SDK1: variants seen among roughly 807,000 people sequenced by gnomAD.
SDK1 encodes sidekick cell adhesion molecule 1, also known as protein sidekick-1.
In SDK1, 157 loss-of-function variants were observed where a neutral mutation model predicts 245.5. The observed-to-expected ratio is 0.64, with a 90% CI of 0.56 to 0.73. SDK1 has a LOEUF of 0.73. Among genes scored for constraint, SDK1 ranks in the 30% least tolerant of loss-of-function variants. The pLI is 0.00. For missense variants in SDK1, 3,583 were observed against 3,002.3 expected, an observed-to-expected ratio of 1.19 and a Z score of -4.52; for synonymous variants, 1,647 against 1,278.5, an observed-to-expected ratio of 1.29 and a Z score of -6.15.
At chr7:3,698,787 A>G (rs1407725987) in intron 4 of SDK1, among the ~76,000 whole-genome samples, 1 of 152,186 alleles carries the variant, frequency 6.6e-6, no homozygotes, top group Non-Finnish European at 1.5e-5. Flanking sequence ...TCTTCTTATA[A>G]GGGAACCAGT....
At position 4,220,328 on chromosome 7, in the gene SDK1, G is replaced by A. The variant is rs1479422551; in HGVS notation, c.5701+58G>A. The A allele has an allele frequency of 2.6e-6, 4 of 1,538,884 alleles. No individual in the cohort carries two copies. The African/African-American group carries it at 4.1e-5, about 16-fold the overall frequency. ...TTGCAACTTTAGCCTCCCGCCTCCTGCTTCACTGAGCTGAGATCCATCTAC... is the reference window on the plus strand; with the variant it reads ...TTGCAACTTTAGCCTCCCGCCTCCTACTTCACTGAGCTGAGATCCATCTAC... On this transcript the variant is annotated intron_variant, in intron 39 of 44. Coordinates refer to ENST00000404826, the MANE Select transcript of SDK1 (RefSeq NM_152744.4).
chr7:3,738,058 C>T (rs1334963290), intron 4 of SDK1, among the ~76,000 whole-genome samples: 1 of 152,204 alleles, frequency 6.6e-6, no homozygotes. Context: ...AGCTGGGGAC[C>T]TCCTCTTCTG....
In SDK1 at chr7:3,689,785, C is replaced by T. The variant is rs572172626; in HGVS notation, c.713+47680C>T. Among the ~76,000 whole-genome samples the T allele has an allele frequency of 6.6e-5, 10 of 152,282 alleles. No individual in the cohort carries two copies. The South Asian group carries it at 1.7e-3, about 25-fold the overall frequency. ...ATTGGAAGTTATTATTTTTATTTCC[C>T]AATGAATCCATTCATAATTCTAAAT... is the stretch of plus-strand genomic sequence containing the variant. On this transcript the variant is annotated intron_variant, in intron 4 of 44. Coordinates refer to ENST00000404826, the MANE Select transcript of SDK1 (RefSeq NM_152744.4).
intron 1 of SDK1, among the ~76,000 whole-genome samples, chr7:3,589,623 T>C (rs1264198925): frequency 1.3e-5 from 2 of 151,604 alleles, no homozygotes; most frequent in Non-Finnish European, 2.9e-5. Context: ...AAAGGAGGAG[T>C]ACAGACACGT....
At position 3,424,121 on chromosome 7, in the gene SDK1, A is replaced by G. The variant is rs183520277; in HGVS notation, c.298+122237A>G. Reference sequence around the variant, plus strand: ...GAGATGGGGTTTCACCATGTTTGCCAGGCTGGTCTCAAACTCGTGACCTCA... The same window carrying G: ...GAGATGGGGTTTCACCATGTTTGCCGGGCTGGTCTCAAACTCGTGACCTCA... On this transcript the variant is annotated intron_variant, in intron 1 of 44. Coordinates refer to ENST00000404826, the MANE Select transcript of SDK1 (RefSeq NM_152744.4). 2.0e-4 allele frequency among the ~76,000 whole-genome samples: 31 copies of G among 152,270 alleles called. 2 individuals are homozygous for G. Among genetic ancestry groups the G allele is most frequent in the African/African-American group, 7.2e-4 (30 of 41,554 alleles).
rs754877724 is a variant in SDK1 at position 4,178,562 on chromosome 7, G to A, written c.5074G>A (p.Val1692Met). The A allele has an allele frequency of 2.5e-5, 41 of 1,612,680 alleles. No individual in the cohort carries two copies. Among genetic ancestry groups the A allele is most frequent in the East Asian group, 1.1e-4 (5 of 44,886 alleles). The stretch of plus-strand genomic sequence containing the variant: ...CGGCGAGAGCCCAGCCAGCGCGCCC[G>A]TGGAGGTCTTTGTCGGCGAGGCTGG... ...IIGESPASAP[V>M]EVFVGEAAPA... is the part of the protein sequence containing the mutation. Residue 1692 changes from valine (V) to methionine (M), a missense_variant, in exon 35 of 45, where the codon GTG becomes ATG. By Grantham distance (21) the Val-to-Met change is conservative (BLOSUM62 1). Coordinates refer to ENST00000404826, the MANE Select transcript of SDK1 (RefSeq NM_152744.4).
At chr7:3,546,342 T>C (rs1395359444) in intron 1 of SDK1, among the ~76,000 whole-genome samples, 3 of 152,224 alleles carry the variant, frequency 2.0e-5, no homozygotes, top group African/African-American at 7.2e-5. Context: ...TCTCGGCCCC[T>C]CTAATCCTCT....
intron 7 of SDK1, 133 bp from the exon 8 acceptor site, chr7:3,958,797 TG>T: frequency 1.4e-6 from 1 of 734,128 alleles, no homozygotes; most frequent in East Asian, 2.5e-5. Flanking sequence ...GTTCTGAGTT[TG>T]TATGCACGAT....
At chr7:3,905,613 G>A (rs954222425) in intron 5 of SDK1, among the ~76,000 whole-genome samples, 5 of 151,766 alleles carry the variant, frequency 3.3e-5, no homozygotes, top group Non-Finnish European at 5.9e-5. Flanking sequence ...TTAGAATCAT[G>A]TCCTTTATCA....
chr7:3,477,823 G>T (rs1583917803), intron 1 of SDK1, among the ~76,000 whole-genome samples: 1 of 151,882 alleles, frequency 6.6e-6, no homozygotes, highest in South Asian at 2.1e-4. Flanking sequence ...CTGCTTTATG[G>T]TTTTTTATAT....
chr7:3,908,047 A>G (rs1371273464), intron 5 of SDK1, among the ~76,000 whole-genome samples: 1 of 152,120 alleles, frequency 6.6e-6, no homozygotes, highest in Non-Finnish European at 1.5e-5. Flanking sequence ...GAGCCTTCTC[A>G]TCTCTTCTCT....
rs571583316 is a variant in SDK1 at position 4,117,480 on chromosome 7, G to A, written c.3823+3206G>A. Among the ~76,000 whole-genome samples, 6 of 152,272 alleles carry A rather than the reference G, an allele frequency of 3.9e-5. No homozygotes were observed. In the South Asian group the frequency reaches 1.2e-3, roughly 32 times the overall value. ...AGGTTATTATGCCTCTAAAAAATAAGTAAATAAATGAATTCATCAACACAC... is the reference window on the plus strand; with the variant it reads ...AGGTTATTATGCCTCTAAAAAATAAATAAATAAATGAATTCATCAACACAC... On this transcript the variant is annotated intron_variant, in intron 25 of 44. Transcript: ENST00000404826.
intron 5 of SDK1, among the ~76,000 whole-genome samples, chr7:3,946,218 C>T (rs536907792): frequency 2.0e-5 from 3 of 152,142 alleles, no homozygotes; most frequent in East Asian, 3.9e-4. Context: ...TGCTCTGTTG[C>T]CCAGGCTGGA....
chr7:4,119,685 C>A (rs1276738683), intron 25 of SDK1, among the ~76,000 whole-genome samples: 1 of 148,984 alleles, frequency 6.7e-6, no homozygotes, highest in African/African-American at 2.5e-5. Context: ...ACCATCTGGG[C>A]AATCAACAGA....
intron 39 of SDK1, among the ~76,000 whole-genome samples, chr7:4,220,491 T>C (rs999813597): frequency 5.4e-5 from 8 of 149,304 alleles, no homozygotes; most frequent in Non-Finnish European, 1.0e-4. Context: ...CATTGTTAAA[T>C]ATTAAGCATG....
At chr7:4,242,481 G>A (rs1004239237) in intron 43 of SDK1, among the ~76,000 whole-genome samples, 7 of 152,088 alleles carry the variant, frequency 4.6e-5, no homozygotes, top group African/African-American at 1.7e-4. Context: ...ACAAGAGAGG[G>A]GTTGACCTGG....
chr7:3,868,998 C>T (rs185388821), intron 5 of SDK1, among the ~76,000 whole-genome samples: 16 of 152,030 alleles, frequency 1.1e-4, no homozygotes, highest in East Asian at 5.8e-4. Context: ...TGAAGTCAGC[C>T]GACATTTCTC....
intron 4 of SDK1, among the ~76,000 whole-genome samples, chr7:3,725,284 A>G (rs1030940078): frequency 6.6e-6 from 1 of 152,188 alleles, no homozygotes; most frequent in Non-Finnish European, 1.5e-5. Flanking sequence ...CATGAGATCC[A>G]AAGCACATGG....
At chr7:4,057,412 C>T (rs991764040) in intron 19 of SDK1, among the ~76,000 whole-genome samples, 8 of 152,204 alleles carry the variant, frequency 5.3e-5, no homozygotes, top group African/African-American at 1.9e-4. Context: ...TTCCTACACA[C>T]CACCCCTGGG....
Sources: allele counts gnomAD v4.1 joint callset (sites outside exome capture counted in the v4.1 genomes callset), GRCh38; gene constraint gnomAD v4.1.1; transcripts MANE v1.5; gene names NCBI Gene and HGNC (gene_info 2026-07-23, HGNC 2026-07-21).